Variants in MICAL2 observed in about 807,000 individuals in gnomAD.
MICAL2 encodes the protein [F-actin]-monooxygenase MICAL2.
A neutral mutation model predicts 127.3 loss-of-function variants in MICAL2; 77 were observed. The observed-to-expected ratio is 0.60, with a 90% confidence interval of 0.50 to 0.73. The LOEUF is 0.73. Among genes scored for constraint, MICAL2 ranks in the 30% least tolerant of loss-of-function variants. The pLI, the probability that MICAL2 is intolerant of heterozygous loss-of-function variation, is 0.00. For synonymous variants in MICAL2, 570 were observed against 551.1 expected (o/e 1.03, Z -0.48); for missense variants, 1,351 against 1,434.4 (o/e 0.94, Z 0.94).
At chr11:12,134,541 A>G (rs1000366046) in intron 1 of MICAL2, among the ~76,000 whole-genome samples, 4 of 152,144 alleles carry the variant, frequency 2.6e-5, no homozygotes, top group Admixed American at 2.6e-4. Context: ...ACCTTGCTGT[A>G]CATATTTGCT....
chr11:12,345,849 A>T (rs967961087), intron 32 of MICAL2, among the ~76,000 whole-genome samples: 1 of 152,042 alleles, frequency 6.6e-6, no homozygotes, highest in Non-Finnish European at 1.5e-5. Flanking sequence ...TTAATTATAG[A>T]CTCTCTTTAA....
chr11:12,330,596 A>G (rs1232548781), intron 32 of MICAL2, among the ~76,000 whole-genome samples: 1 of 152,158 alleles, frequency 6.6e-6, no homozygotes, highest in African/African-American at 2.4e-5. Flanking sequence ...CTGATGAGCA[A>G]AATGAGGCTT....
At chr11:12,301,711 G>GA (rs1475133532) in intron 29 of MICAL2, among the ~76,000 whole-genome samples, 2 of 152,150 alleles carry the variant, frequency 1.3e-5, no homozygotes, top group Non-Finnish European at 2.9e-5. Context: ...TCAGGGAAGT[G>GA]AAAAATCACA....
chr11:12,358,490 A>G, downstream of MICAL2: 1 of 1,612,154 alleles, frequency 6.2e-7, no homozygotes, highest in African/African-American at 1.3e-5. Context: ...GGAGGCCCGT[A>G]GTCCCTCTCC....
In MICAL2 at chr11:12,242,949, G is replaced by A. The variant is rs186489245; in HGVS notation, c.2658+177G>A. ...TGGCATCTAGAAAAGACCCAAATGC[G>A]AAGATTCAAAATAAATAAATACATC... is the stretch of plus-strand genomic sequence containing the variant. On this transcript the variant is annotated intron_variant, in intron 20 of 27. Coordinates refer to ENST00000683283, the MANE Select transcript of MICAL2 (RefSeq NM_001282663.2). 2.2e-5 allele frequency: 11 copies of A among 498,620 alleles called. No homozygotes were observed. In the Admixed American group the frequency reaches 3.0e-4, roughly 13 times the overall value. 30.9% of individuals were successfully genotyped at this position (498,620 alleles called of 1,614,324 possible). A position where few individuals can be genotyped will look rare whatever the true frequency, so the allele number is the denominator to read the frequency against.
At chr11:12,251,087 C>G (rs1400937298) in intron 22 of MICAL2, among the ~76,000 whole-genome samples, 2 of 149,326 alleles carry the variant, frequency 1.3e-5, no homozygotes, top group East Asian at 3.9e-4. Flanking sequence ...GTGTTGGAAA[C>G]TTGTAGAACC....
In MICAL2 at chr11:12,226,440, C is replaced by T. The variant is rs1048379547; in HGVS notation, c.1888+70C>T. On this transcript the variant is annotated intron_variant, in intron 14 of 27. Transcript: ENST00000683283. ...CTGTCCCTGTCTCTGAGTCTGGCTG[C>T]TCCTAACACTGTATGGTCTGTTCTG... 7.3e-5 allele frequency: 108 copies of T among 1,483,262 alleles called. No individual in the cohort carries two copies. The Middle Eastern group carries it at 1.4e-3, about 19-fold the overall frequency. The allele number at this position is 1,483,262 out of a possible 1,614,324, so 91.9% of individuals were successfully genotyped here.
intron 3 of MICAL2, among the ~76,000 whole-genome samples, chr11:12,175,668 C>A (rs1191897940): frequency 6.6e-6 from 1 of 151,608 alleles, no homozygotes; most frequent in African/African-American, 2.4e-5. Context: ...GAGTAGGTTG[C>A]TGTTTGATAT....
At chr11:12,319,939 C>T in intron 30 of MICAL2, 1 of 667,398 alleles carries the variant, frequency 1.5e-6, no homozygotes, top group Non-Finnish European at 2.7e-6. Context: ...TTGCATCTGA[C>T]AGAGTGCTCT....
rs182100247 is a variant in MICAL2 at position 12,339,985 on chromosome 11, G to T, written c.5516-9853G>T. ...CTCTCTTCAAAGCTCAGTTGGAAAT[G>T]CAGAAATCACCCATCTTCTGCGTCG... On this transcript the variant is annotated intron_variant, in intron 32 of 34. Coordinates refer to the MICAL2 transcript ENST00000646065. Among the ~76,000 whole-genome samples, 155 of 152,276 alleles carry T rather than the reference G, an allele frequency of 1.0e-3. No homozygotes were observed. The Middle Eastern group carries it at 0.01, about 10-fold the overall frequency.
At chr11:12,284,749 G>T (rs973942706) in intron 2 of MICAL2, among the ~76,000 whole-genome samples, 25 of 152,306 alleles carry the variant, frequency 1.6e-4, no homozygotes, top group African/African-American at 5.8e-4. Flanking sequence ...CCAGCAATTG[G>T]GGGGTGGGCT....
chr11:12,277,107 G>C (rs967446294), intron 1 of MICAL2, among the ~76,000 whole-genome samples: 4 of 152,124 alleles, frequency 2.6e-5, no homozygotes, highest in African/African-American at 9.7e-5. Flanking sequence ...GCCAGGTGCA[G>C]CTGGGCAGTT....
rs554965820 is a variant in MICAL2 at position 12,125,323 on chromosome 11, G to A, written c.-148-13067G>A. Among the ~76,000 whole-genome samples, 25 of 152,304 alleles carry A rather than the reference G, an allele frequency of 1.6e-4. No individual in the cohort carries two copies. The East Asian group carries it at 3.7e-3, about 22-fold the overall frequency. On this transcript the variant is annotated intron_variant, in intron 1 of 27. Transcript: ENST00000683283. ...GGATGGAGTGCAGTGGCGCGATCTC[G>A]GCTCACTGCAACCTCCGCCTCCTGG...
intron 2 of MICAL2, among the ~76,000 whole-genome samples, chr11:12,282,296 G>T (rs1326263691): frequency 6.6e-6 from 1 of 152,114 alleles, no homozygotes; most frequent in East Asian, 1.9e-4. Flanking sequence ...GCACTGAACT[G>T]AGTACTCTCC....
rs1350528309 is a variant in MICAL2, at chr11:12,256,883, G to C, written c.3054G>C (p.Glu1018Asp). 2.5e-6 allele frequency: 4 copies of C among 1,614,096 alleles called. No individual in the cohort carries two copies. The highest frequency in any genetic ancestry group is 1.3e-5 in the African/African-American group (1 of 74,950). Residue 1018 changes from glutamate (E) to aspartate (D), a missense_variant, in exon 24 of 28, where the codon GAG (glutamate) becomes GAC (aspartate). Glu to Asp is a conservative substitution (Grantham distance 45). Transcript: ENST00000683283. ...RVYVMERLSAEGHFFHRECFR... is the reference protein window; with the variant it reads ...RVYVMERLSADGHFFHRECFR... ...ACGTGATGGAACGGCTGAGCGCCGAGGGCCACTTCTTCCACCGGGAGTGTT... is the reference window on the plus strand; with the variant it reads ...ACGTGATGGAACGGCTGAGCGCCGACGGCCACTTCTTCCACCGGGAGTGTT...
intron 29 of MICAL2, among the ~76,000 whole-genome samples, chr11:12,311,520 T>G (rs571679750): frequency 3.6e-4 from 55 of 152,310 alleles, no homozygotes; most frequent in African/African-American, 1.2e-3. Flanking sequence ...GAAGAGATTC[T>G]CCTGCCTTAG....
chr11:12,224,454 G>A (rs1215456706), intron 12 of MICAL2: 5 of 564,370 alleles, frequency 8.9e-6, no homozygotes, highest in South Asian at 7.0e-5. Flanking sequence ...TCTGCTGGAA[G>A]AGAACATGCT....
chr11:12,275,643 G>A (rs1863716076), upstream of MICAL2, among the ~76,000 whole-genome samples: 4 of 152,332 alleles, frequency 2.6e-5, no homozygotes, highest in South Asian at 8.3e-4. Flanking sequence ...GAACTGAGAT[G>A]TTACCACTGG....
downstream of MICAL2, chr11:12,294,434 G>T: frequency 6.2e-7 from 1 of 1,614,216 alleles, no homozygotes; most frequent in Non-Finnish European, 8.5e-7. Context: ...CCAGTCCTCA[G>T]CCTTTAGCCC....
Sources: gnomAD v4.1 joint callset for allele counts (sites outside exome capture counted in the v4.1 genomes callset) on GRCh38, gnomAD v4.1.1 for gene constraint, MANE v1.5 for transcripts, NCBI Gene and HGNC (gene_info 2026-07-23, HGNC 2026-07-21) for gene names.